Variants in MYO1D observed in about 807,000 individuals in gnomAD.
MYO1D encodes unconventional myosin-Id.
MYO1D carries 83 observed loss-of-function variants against 122.0 expected under a neutral mutation model. That is an observed-to-expected ratio of 0.68 (90% CI 0.57 to 0.82). The LOEUF (loss-of-function observed/expected upper bound fraction) is 0.82, where lower values mean the gene tolerates loss of function less well. Ranked by LOEUF, MYO1D falls within the 40% of genes least tolerant of loss-of-function variation. MYO1D has a pLI of 0.00. For synonymous variants in MYO1D, 464 were observed against 446.9 expected (o/e 1.04, Z -0.48); for missense variants, 1,157 against 1,269.5 (o/e 0.91, Z 1.35).
chr17:32,513,598 A>T (rs745622910), intron 21 of MYO1D, among the ~76,000 whole-genome samples: 3 of 152,250 alleles, frequency 2.0e-5, no homozygotes, highest in Non-Finnish European at 4.4e-5. Flanking sequence ...ATCATATGTC[A>T]AAACAGTTTA....
At chr17:32,844,947 A>C (rs1263421411) in intron 1 of MYO1D, among the ~76,000 whole-genome samples, 2 of 152,042 alleles carry the variant, frequency 1.3e-5, no homozygotes, top group African/African-American at 4.8e-5. Context: ...ATGTATATCT[A>C]TTGACACGTA....
At chr17:32,596,858 A>C (rs1249565397) in intron 21 of MYO1D, among the ~76,000 whole-genome samples, 1 of 152,244 alleles carries the variant, frequency 6.6e-6, no homozygotes, top group Non-Finnish European at 1.5e-5. Context: ...AGGGCAGCCA[A>C]CGTGAGACCA....
chr17:32,760,605 C>CA lies in MYO1D; in HGVS notation c.1057dup (p.Cys353LeufsTer9). 1 of 1,607,794 alleles carries CA rather than the reference C, an allele frequency of 6.2e-7. No homozygotes were observed. The highest frequency in any genetic ancestry group is 8.5e-7 in the Non-Finnish European group (1 of 1,178,030). On this transcript the variant is annotated frameshift_variant, in exon 9 of 22. Transcript: ENST00000318217. LOFTEE classifies it high-confidence loss of function. ...ATCATTGATGCGAGTAACGATCCAA[C>CA]AAAAAAGGCGCTCATATATTGCCTG...
chr17:32,864,007 C>CTTTTCTTTTTT (rs2091100932), intron 1 of MYO1D, among the ~76,000 whole-genome samples: 2 of 48,960 alleles, frequency 4.1e-5, no homozygotes, highest in African/African-American at 2.1e-4. Flanking sequence ...ACATTTCTTC[C>CTTTTCTTTTTT]TTTTTTTTTT....
intron 1 of MYO1D, among the ~76,000 whole-genome samples, chr17:32,857,680 C>A (rs1429189549): frequency 6.6e-6 from 1 of 152,162 alleles, no homozygotes; most frequent in Non-Finnish European, 1.5e-5. Flanking sequence ...GGCACCCCTG[C>A]ATGGAATGCT....
intron 16 of MYO1D, among the ~76,000 whole-genome samples, chr17:32,659,792 C>G (rs2088534251): frequency 1.3e-5 from 2 of 152,174 alleles, no homozygotes; most frequent in South Asian, 4.1e-4. Flanking sequence ...GATTTACAAA[C>G]TGATTTACAC....
rs143227266 is a variant in MYO1D, at chr17:32,564,874, T to C, written c.2864+40213A>G. 7.1e-3 allele frequency among the ~76,000 whole-genome samples: 1,082 copies of C among 152,356 alleles called. 13 individuals carry two copies. Among genetic ancestry groups the C allele is most frequent in the Admixed American group, 9.0e-3 (137 of 15,306 alleles). ...GTGGTCACTGTTACAAAGGTCAATC[T>C]GTGTTAATTCTAGAAACAGCATACC... On this transcript the variant is annotated intron_variant, in intron 21 of 21. Coordinates refer to ENST00000318217, the MANE Select transcript of MYO1D (RefSeq NM_015194.3).
rs1008478016 is a variant in MYO1D, at chr17:32,772,923, C to G, written c.565-81G>C. Reference sequence around the variant, plus strand: ...AGGAGCCACTTTCTTAGGGAACTGTCAGGCCTCTGAGCCCAAGCCTGCACG... The same window carrying G: ...AGGAGCCACTTTCTTAGGGAACTGTGAGGCCTCTGAGCCCAAGCCTGCACG... On this transcript the variant is annotated intron_variant, in intron 4 of 21. Coordinates refer to ENST00000318217, the MANE Select transcript of MYO1D (RefSeq NM_015194.3). 7.1e-5 allele frequency: 81 copies of G among 1,143,632 alleles called. No individual in the cohort carries two copies. In the Middle Eastern group the frequency reaches 1.6e-3, roughly 22 times the overall value. The allele number at this position is 1,143,632 out of a possible 1,614,324, so 70.8% of individuals were successfully genotyped here.
chr17:32,597,868 CAAAAAAAA>C (rs755415435), intron 21 of MYO1D, among the ~76,000 whole-genome samples: 80 of 62,716 alleles, frequency 1.3e-3, no homozygotes, highest in African/African-American at 4.2e-3. Context: ...AACCCTGTCT[CAAAAAAAA>C]AAAAAAAAAA....
chr17:32,659,753 A>C (rs1432699137), intron 16 of MYO1D, among the ~76,000 whole-genome samples: 1 of 152,236 alleles, frequency 6.6e-6, no homozygotes, highest in Admixed American at 6.5e-5. Context: ...TAGATTATAC[A>C]TGCTGGCCAC....
chr17:32,673,260 C>T (rs2088750625), intron 16 of MYO1D, among the ~76,000 whole-genome samples: 2 of 151,568 alleles, frequency 1.3e-5, no homozygotes, highest in Admixed American at 6.6e-5. Flanking sequence ...CGTGCTACCA[C>T]ACCTGGCTAA....
At chr17:32,732,983 C>T (rs1234147049) in intron 14 of MYO1D, among the ~76,000 whole-genome samples, 2 of 152,228 alleles carry the variant, frequency 1.3e-5, no homozygotes, top group African/African-American at 4.8e-5. Flanking sequence ...CCAGCCGCAG[C>T]CTCACAGGGA....
At chr17:32,540,327 CAAA>C (rs34076937) in intron 21 of MYO1D, among the ~76,000 whole-genome samples, 1 of 69,868 alleles carries the variant, frequency 1.4e-5, no homozygotes, top group Admixed American at 1.8e-4. Context: ...GAGACTATCT[CAAA>C]AAAAAAAAAA....
intron 14 of MYO1D, among the ~76,000 whole-genome samples, chr17:32,735,081 A>AACACACACACACACAC (rs371150333): frequency 8.0e-5 from 11 of 138,106 alleles, no homozygotes; most frequent in African/African-American, 2.7e-4. Flanking sequence ...ATTCCATCTG[A>AACACACACACACACAC]ACACACACAC....
At chr17:32,795,579 T>G (rs777804668) in intron 1 of MYO1D, among the ~76,000 whole-genome samples, 2 of 152,124 alleles carry the variant, frequency 1.3e-5, no homozygotes, top group African/African-American at 2.4e-5. Flanking sequence ...AGCTATACAA[T>G]GTCAGCACAT....
At chr17:32,859,695 T>G (rs2091054277) in intron 1 of MYO1D, among the ~76,000 whole-genome samples, 1 of 152,236 alleles carries the variant, frequency 6.6e-6, no homozygotes. Context: ...TCCTGTCTTG[T>G]TCCTTCAGTC....
At chr17:32,580,820 ATTAG>A (rs1331796293) in intron 21 of MYO1D, among the ~76,000 whole-genome samples, 3 of 152,270 alleles carry the variant, frequency 2.0e-5, no homozygotes, top group South Asian at 2.1e-4. Flanking sequence ...GTTGGATTTG[ATTAG>A]TTATTTTATA....
intron 20 of MYO1D, among the ~76,000 whole-genome samples, chr17:32,612,822 G>A (rs1161095261): frequency 2.0e-5 from 3 of 151,804 alleles, no homozygotes; most frequent in Non-Finnish European, 4.4e-5. Flanking sequence ...AGGCTGGAGT[G>A]CAGTGGCACG....
At chr17:32,604,413 CT>C (rs1204370494) in intron 21 of MYO1D, among the ~76,000 whole-genome samples, 1 of 152,132 alleles carries the variant, frequency 6.6e-6, no homozygotes, top group East Asian at 1.9e-4. Flanking sequence ...TCCATGACCC[CT>C]TATGGGAAGA....
Sources: gnomAD v4.1 joint callset for allele counts (sites outside exome capture counted in the v4.1 genomes callset) on GRCh38, gnomAD v4.1.1 for gene constraint, MANE v1.5 for transcripts, NCBI Gene and HGNC (gene_info 2026-07-23, HGNC 2026-07-21) for gene names.